Variants in HTN3 observed in about 807,000 individuals in gnomAD.
HTN3 encodes histatin-3.
In HTN3, 15 loss-of-function variants were observed where a neutral mutation model predicts 10.6. The observed-to-expected ratio is 1.42, with a 90% CI of 0.95 to 2.18. The LOEUF is 2.18. Among genes scored for constraint, HTN3 ranks in the 30% most tolerant of loss-of-function variants. The probability of loss-of-function intolerance (pLI) is 0.00; values close to 1 mark genes in which losing one functional copy is unlikely to be tolerated. For synonymous variants in HTN3, 15 were observed against 16.9 expected (o/e 0.89, Z 0.27); for missense variants, 68 against 58.0 (o/e 1.17, Z -0.56).
chr4:70,031,132 C>G (rs1245281582), intron 2 of HTN3: 1 of 199,248 alleles, frequency 5.0e-6, no homozygotes, highest in Non-Finnish European at 1.0e-5. Flanking sequence ...GAACAAGGTA[C>G]ACTTCAATGG....
Position 70,036,468 on chromosome 4 carries a change from C to G in HTN3, c.*235C>G, listed in dbSNP as rs1352689324. 1 of 152,200 alleles carries G rather than the reference C, an allele frequency of 6.6e-6. No homozygotes were observed. 9.4% of individuals were successfully genotyped at this position (152,200 alleles called of 1,614,324 possible). On this transcript the variant is annotated 3_prime_UTR_variant, in exon 6 of 6. Coordinates refer to ENST00000673563, the MANE Select transcript of HTN3 (RefSeq NM_000200.3). ...TGCAATTTAAATGTTAAGCTGTTTT[C>G]ACTGCTGTTTCTGAGTAATAGAAAT...
chr4:70,033,969 T>C (rs1464129308), intron 5 of HTN3: 1 of 152,030 alleles, frequency 6.6e-6, no homozygotes, highest in Non-Finnish European at 1.5e-5. Flanking sequence ...GATCTCCTAG[T>C]CAATAAATGG....
intron 1 of HTN3, among the ~76,000 whole-genome samples, chr4:70,029,575 A>T (rs1247758513): frequency 6.6e-6 from 1 of 152,114 alleles, no homozygotes; most frequent in Non-Finnish European, 1.5e-5. Context: ...TTAATGAATT[A>T]CTTTATAGCT....
chr4:70,028,489 A>C lies in HTN3; in HGVS notation c.-41A>C, dbSNP rs1725295313. 6.6e-6 allele frequency: 1 copy of C among 152,148 alleles called. No individual in the cohort carries two copies. Among genetic ancestry groups the C allele is most frequent in the Admixed American group, 6.5e-5 (1 of 15,270 alleles). The allele number at this position is 152,148 out of a possible 1,614,324, so 9.4% of individuals were successfully genotyped here. A position where few individuals can be genotyped will look rare whatever the true frequency, so the allele number is the denominator to read the frequency against. On this transcript the variant is annotated 5_prime_UTR_variant, in exon 1 of 6. Coordinates refer to ENST00000673563, the MANE Select transcript of HTN3 (RefSeq NM_000200.3). ...TTGAGACTTCACTTCAGCTTCACTG[A>C]CTTCTGGATTCTCCTCTTGAGTAAA...
intron 4 of HTN3, among the ~76,000 whole-genome samples, chr4:70,032,312 A>C (rs1172745121): frequency 3.9e-5 from 6 of 152,030 alleles, no homozygotes. Context: ...ACTCAATTAC[A>C]CTCTGAATAA....
chr4:70,034,362 A>G (rs1725457806), intron 5 of HTN3: 1 of 152,190 alleles, frequency 6.6e-6, no homozygotes, highest in African/African-American at 2.4e-5. Context: ...AATTTACAAG[A>G]CAAAAACAAA....
intron 2 of HTN3, among the ~76,000 whole-genome samples, chr4:70,031,660 A>G (rs554128034): frequency 1.3e-5 from 2 of 152,144 alleles, no homozygotes; most frequent in Admixed American, 1.3e-4. Context: ...GAACATATTC[A>G]TATAAAAAAC....
intron 5 of HTN3, chr4:70,033,563 C>T: frequency 5.6e-6 from 1 of 178,302 alleles, no homozygotes; most frequent in Non-Finnish European, 1.2e-5. Flanking sequence ...CAGCTTTGTT[C>T]CTTTTGCTTA....
intron 5 of HTN3, among the ~76,000 whole-genome samples, chr4:70,035,458 A>G (rs1387821871): frequency 6.6e-6 from 1 of 152,210 alleles, no homozygotes; most frequent in Non-Finnish European, 1.5e-5. Flanking sequence ...CTGCCACTAA[A>G]TCTGTACCTG....
At chr4:70,031,567 T>A (rs941386254) in intron 2 of HTN3, among the ~76,000 whole-genome samples, 3 of 152,078 alleles carry the variant, frequency 2.0e-5, no homozygotes, top group African/African-American at 7.2e-5. Context: ...AAAATAAACA[T>A]ATAAGAAGAA....
chr4:70,030,282 G>C (rs1196041942), intron 1 of HTN3, among the ~76,000 whole-genome samples: 1 of 151,936 alleles, frequency 6.6e-6, no homozygotes. Flanking sequence ...GTCCATTTGT[G>C]TGTTTCCTTA....
Position 70,030,828 on chromosome 4 carries a change from A to G in HTN3, c.51+37A>G, listed in dbSNP as rs764390466. The stretch of plus-strand genomic sequence containing the variant: ...TGGAAGTTTTAAAGGATACATTCTC[A>G]GTACTTATCCCAAGGATCTTTCTTA... On this transcript the variant is annotated intron_variant, in intron 2 of 5. Transcript: ENST00000673563. 17 of 1,460,860 alleles carry G rather than the reference A, an allele frequency of 1.2e-5. No homozygotes were observed. The South Asian group carries it at 1.8e-4, about 16-fold the overall frequency. The allele number at this position is 1,460,860 out of a possible 1,614,324, so 90.5% of individuals were successfully genotyped here.
chr4:70,029,209 T>C (rs1725316436), intron 1 of HTN3, among the ~76,000 whole-genome samples: 1 of 152,100 alleles, frequency 6.6e-6, no homozygotes, highest in African/African-American at 2.4e-5. Flanking sequence ...GGCACTTTCT[T>C]ACAGCCTTTT....
At chr4:70,030,005 T>A (rs988259994) in intron 1 of HTN3, among the ~76,000 whole-genome samples, 1 of 152,224 alleles carries the variant, frequency 6.6e-6, no homozygotes, top group African/African-American at 2.4e-5. Context: ...TTCTACTTTC[T>A]AAATATGTCT....
chr4:70,030,133 G>T (rs1725346840), intron 1 of HTN3, among the ~76,000 whole-genome samples: 1 of 151,550 alleles, frequency 6.6e-6, no homozygotes, highest in African/African-American at 2.4e-5. Context: ...TAAACTGTTT[G>T]AACTTTCAAC....
intron 5 of HTN3, among the ~76,000 whole-genome samples, 187 bp from the exon 6 acceptor site, chr4:70,036,080 A>T (rs1305895947): frequency 6.6e-6 from 1 of 152,204 alleles, no homozygotes; most frequent in Non-Finnish European, 1.5e-5. Context: ...ATTTTTATTT[A>T]TTCTGATACC....
At chr4:70,033,829 C>T (rs1725444401) in intron 5 of HTN3, 1 of 152,056 alleles carries the variant, frequency 6.6e-6, no homozygotes, top group African/African-American at 2.4e-5. Context: ...CCTTCACATC[C>T]TTTGTTAGTT....
At chr4:70,033,760 TTTGTTTGCATC>T (rs1175950361) in intron 5 of HTN3, 1 of 152,234 alleles carries the variant, frequency 6.6e-6, no homozygotes. Context: ...TGTTTTTCCA[TTTGTTTGCATC>T]TTCTCTTATT....
rs775707690 is a variant in HTN3 at position 70,030,768 on chromosome 4, T to C, written c.28T>C (p.Leu10=). 3.1e-5 allele frequency: 50 copies of C among 1,612,588 alleles called. No homozygotes were observed. Among genetic ancestry groups the C allele is most frequent in the Non-Finnish European group, 3.5e-5 (41 of 1,178,926 alleles). The change falls in exon 2 of 6, where the codon TTG becomes CTG. Residue 10 remains leucine (L), a synonymous_variant. Coordinates refer to ENST00000673563, the MANE Select transcript of HTN3 (RefSeq NM_000200.3). ...GAAGTTTTTTGTTTTTGCTTTAATC[T>C]TGGCTCTCATGCTTTCCATGACTGT... MKFFVFALI[L]ALMLSMTGAD...
Sources: allele counts gnomAD v4.1 joint callset (sites outside exome capture counted in the v4.1 genomes callset), GRCh38; gene constraint gnomAD v4.1.1; transcripts MANE v1.5; gene names NCBI Gene and HGNC (gene_info 2026-07-23, HGNC 2026-07-21).